The following FARS2 variants were observed in gnomAD, a reference collection of about 807,000 sequenced individuals.
The protein encoded by FARS2 is phenylalanyl-tRNA synthetase 2, mitochondrial.
A neutral mutation model predicts 46.4 loss-of-function variants in FARS2; 40 were observed. That is an observed-to-expected ratio of 0.86 (90% CI 0.67 to 1.12). The LOEUF is 1.12. Ranked by LOEUF, FARS2 falls within the 50% of genes most tolerant of loss-of-function variation. The pLI is 0.00. For synonymous variants in FARS2, 234 were observed against 214.9 expected, an observed-to-expected ratio of 1.09 and a Z score of -0.78; for missense variants, 513 against 567.9, an observed-to-expected ratio of 0.90 and a Z score of 0.98.
chr6:5,498,723 C>A (rs948139704), intron 4 of FARS2, among the ~76,000 whole-genome samples: 10 of 152,156 alleles, frequency 6.6e-5, no homozygotes, highest in Admixed American at 4.6e-4. Flanking sequence ...AGCATTTAGT[C>A]ACTTTTCAGA....
chr6:5,490,974 CTG>C (rs1396698436), intron 4 of FARS2, among the ~76,000 whole-genome samples: 3 of 152,218 alleles, frequency 2.0e-5, no homozygotes, highest in African/African-American at 7.2e-5. Context: ...GCATCAGAAA[CTG>C]TGTGAGATAA....
the FARS2 span, among the ~76,000 whole-genome samples, chr6:5,253,334 G>A: frequency 6.6e-6 from 1 of 151,616 alleles, no homozygotes; most frequent in African/African-American, 2.4e-5. Flanking sequence ...AAGGAATGCA[G>A]TTTTTGCATT....
intron 6 of FARS2, among the ~76,000 whole-genome samples, chr6:5,763,975 T>C (rs1477479503): frequency 6.6e-6 from 1 of 151,384 alleles, no homozygotes; most frequent in Non-Finnish European, 1.5e-5. Context: ...CTGAGGAGGG[T>C]AAAAGAAACA....
intron 6 of FARS2, among the ~76,000 whole-genome samples, chr6:5,686,984 G>C (rs1365411355): frequency 1.3e-5 from 2 of 152,212 alleles, no homozygotes; most frequent in Non-Finnish European, 2.9e-5. Context: ...GTGTCTGTTG[G>C]CTGCATAGAT....
chr6:5,332,135 G>A (rs976013500), intron 1 of FARS2, among the ~76,000 whole-genome samples: 5 of 152,152 alleles, frequency 3.3e-5, no homozygotes, highest in African/African-American at 1.2e-4. Context: ...AAGTACCAGC[G>A]CTGAGATTCA....
At chr6:5,440,919 C>CTTTTTT (rs56965644) in intron 4 of FARS2, among the ~76,000 whole-genome samples, 1 of 144,502 alleles carries the variant, frequency 6.9e-6, no homozygotes, top group Non-Finnish European at 1.5e-5. Flanking sequence ...CATTTTCTTT[C>CTTTTTT]TTTTTTTTTT....
At chr6:5,409,546 C>T (rs1238877325) in intron 3 of FARS2, among the ~76,000 whole-genome samples, 1 of 152,124 alleles carries the variant, frequency 6.6e-6, no homozygotes, top group Non-Finnish European at 1.5e-5. Flanking sequence ...TATTGTCAGC[C>T]TAGACTTTTG....
intron 2 of FARS2, among the ~76,000 whole-genome samples, chr6:5,374,894 C>T (rs1391367461): frequency 6.6e-6 from 1 of 152,044 alleles, no homozygotes; most frequent in African/African-American, 2.4e-5. Flanking sequence ...ATTAATGACT[C>T]ATGATAAAAA....
chr6:5,390,182 T>C (rs1191990833), intron 2 of FARS2, among the ~76,000 whole-genome samples: 1 of 152,192 alleles, frequency 6.6e-6, no homozygotes, highest in Non-Finnish European at 1.5e-5. Context: ...AGTTTTTTTG[T>C]TCCAGTACTT....
chr6:5,400,861 A>G (rs1199305993), intron 2 of FARS2, among the ~76,000 whole-genome samples: 1 of 151,998 alleles, frequency 6.6e-6, no homozygotes, highest in Non-Finnish European at 1.5e-5. Context: ...TTATTGATAT[A>G]TAGATATTCA....
intron 2 of FARS2, among the ~76,000 whole-genome samples, chr6:5,392,925 C>CATATGTGTGTGTATATATAT (rs1554175098): frequency 1.1e-5 from 1 of 91,636 alleles, no homozygotes; most frequent in Non-Finnish European, 2.2e-5. Flanking sequence ...TGTATATATA[C>CATATGTGTGTGTATATATAT]ATATATGTGT....
intron 5 of FARS2, among the ~76,000 whole-genome samples, chr6:5,551,690 G>A (rs926704742): frequency 5.3e-5 from 8 of 152,254 alleles, no homozygotes; most frequent in African/African-American, 1.9e-4. Flanking sequence ...AGCCTGATTG[G>A]CCTAAAGTAA....
intron 6 of FARS2, among the ~76,000 whole-genome samples, chr6:5,711,806 G>T (rs1232408448): frequency 3.9e-5 from 6 of 152,080 alleles, no homozygotes; most frequent in Non-Finnish European, 8.8e-5. Context: ...TCCTGGACAG[G>T]AAGAGGACAG....
chr6:5,643,976 C>G (rs757681396), intron 6 of FARS2, among the ~76,000 whole-genome samples: 2 of 152,144 alleles, frequency 1.3e-5, no homozygotes, highest in Admixed American at 1.3e-4. Context: ...ACTGTACCCA[C>G]GAGAAAGAGT....
intron 5 of FARS2, among the ~76,000 whole-genome samples, chr6:5,573,312 G>A (rs962353999): frequency 6.6e-6 from 1 of 152,100 alleles, no homozygotes; most frequent in African/African-American, 2.4e-5. Context: ...AAAACAATAG[G>A]CAACTTTTAT....
upstream of FARS2, among the ~76,000 whole-genome samples, chr6:5,260,436 C>T (rs114006607): frequency 1.1e-4 from 17 of 152,360 alleles, no homozygotes; most frequent in African/African-American, 3.6e-4. Context: ...ATGAACGTCT[C>T]CCCTGGTAGA....
intron 1 of FARS2, among the ~76,000 whole-genome samples, chr6:5,340,438 T>C (rs894861468): frequency 2.0e-5 from 3 of 152,240 alleles, no homozygotes; most frequent in African/African-American, 7.2e-5. Context: ...TGTGTTTTCA[T>C]TCCTAAGGTC....
In FARS2 at chr6:5,712,104, G is replaced by T. The variant is rs376102883; in HGVS notation, c.1218-59187G>T. Among the ~76,000 whole-genome samples the T allele has an allele frequency of 7.9e-5, 12 of 152,172 alleles. No individual in the cohort carries two copies. In the South Asian group the frequency reaches 1.2e-3, roughly 16 times the overall value. ...ATTTTTTAAAGCGTTCACTTTACCA[G>T]ATTATTTTAAATATTAAAAAAATAC... On this transcript the variant is annotated intron_variant, in intron 6 of 6. Transcript: ENST00000274680.
chr6:5,637,789 T>C (rs1776616388), intron 6 of FARS2, among the ~76,000 whole-genome samples: 1 of 152,202 alleles, frequency 6.6e-6, no homozygotes, highest in Admixed American at 6.5e-5. Context: ...CTTCTCCCTG[T>C]ATCCTCACAT....
Sources: gnomAD v4.1 joint callset for allele counts (sites outside exome capture counted in the v4.1 genomes callset) on GRCh38, gnomAD v4.1.1 for gene constraint, MANE v1.5 for transcripts, NCBI Gene and HGNC (gene_info 2026-07-23, HGNC 2026-07-21) for gene names.